MED13L: variants seen among roughly 807,000 people sequenced by gnomAD.
MED13L encodes mediator complex subunit 13L.
MED13L carries 7 observed loss-of-function variants against 220.9 expected under a neutral mutation model. The observed-to-expected ratio is 0.03, with a 90% CI of 0.02 to 0.06. MED13L has a LOEUF of 0.06. MED13L is among the 10% of genes least tolerant of loss of function. The pLI, the probability that MED13L is intolerant of heterozygous loss-of-function variation, is 1.00. For synonymous variants in MED13L, 1,011 were observed against 1,015.2 expected (o/e 1.00, Z 0.08); for missense variants, 1,965 against 2,760.5 (o/e 0.71, Z 6.46).
At chr12:116,044,700 A>G (rs932353081) in intron 4 of MED13L, among the ~76,000 whole-genome samples, 1 of 152,202 alleles carries the variant, frequency 6.6e-6, no homozygotes, top group Non-Finnish European at 1.5e-5. Context: ...CATCCTCACT[A>G]ATCCCCGGAA....
At position 115,968,054 on chromosome 12, in the gene MED13L, C is replaced by T. The variant is rs1171626674; in HGVS notation, c.6225+886G>A. Among the ~76,000 whole-genome samples, 21 of 15,284 alleles carry T rather than the reference C, an allele frequency of 1.4e-3. No homozygotes were observed. In the East Asian group the frequency reaches 0.048, roughly 35 times the overall value. The allele number at this position is 15,284 out of a possible 152,430, so 10.0% of individuals were successfully genotyped here. A position where few individuals can be genotyped will look rare whatever the true frequency, so the allele number is the denominator to read the frequency against. ...TAAATTCAGTGCTGGGAATAAAAGTCCCCCCCCCCCCCCGATGAAAACTGA... is the reference window on the plus strand; with the variant it reads ...TAAATTCAGTGCTGGGAATAAAAGTTCCCCCCCCCCCCCGATGAAAACTGA... On this transcript the variant is annotated intron_variant, in intron 28 of 30. Transcript: ENST00000281928.
intron 4 of MED13L, among the ~76,000 whole-genome samples, chr12:116,051,331 T>G (rs937027284): frequency 1.3e-5 from 2 of 151,944 alleles, no homozygotes; most frequent in African/African-American, 4.8e-5. Flanking sequence ...AGAAATGAAT[T>G]AATATTTAAC....
At chr12:116,092,742 A>G (rs576629056) in intron 4 of MED13L, among the ~76,000 whole-genome samples, 62 of 152,284 alleles carry the variant, frequency 4.1e-4, no homozygotes, top group Admixed American at 7.2e-4. Flanking sequence ...TTAAAGTAAT[A>G]TACTTTCAGT....
rs1204058870 is a variant in MED13L at position 115,983,451 on chromosome 12, T to G, written c.4621A>C (p.Thr1541Pro). 2 of 1,614,184 alleles carry G rather than the reference T, an allele frequency of 1.2e-6. No individual in the cohort carries two copies. The highest frequency in any genetic ancestry group is 1.7e-5 in the Admixed American group (1 of 60,026). ...TPPAAAQGQA[T>P]PGNAGPLAPN... ...GCTAAGGGCCCAGCATTCCCTGGCG[T>G]AGCTTGTCCCTGTGCTGCTGCTGGT... The change falls in exon 21 of 31, where the codon ACG (threonine) becomes CCG (proline). Residue 1541 changes from threonine (T) to proline (P), a missense_variant. Physicochemically the swap from Thr to Pro is conservative, Grantham distance 38. Transcript: ENST00000281928.
At chr12:116,100,868 G>A (rs1206604511) in intron 3 of MED13L, among the ~76,000 whole-genome samples, 1 of 152,056 alleles carries the variant, frequency 6.6e-6, no homozygotes, top group Non-Finnish European at 1.5e-5. Flanking sequence ...GAGCTGTGAT[G>A]GCACCCCTGC....
intron 4 of MED13L, among the ~76,000 whole-genome samples, chr12:116,049,180 C>A (rs528567004): frequency 1.2e-4 from 19 of 152,262 alleles, no homozygotes; most frequent in African/African-American, 4.3e-4. Context: ...AAAGACACAA[C>A]TGAAATCACC....
intron 9 of MED13L, among the ~76,000 whole-genome samples, chr12:116,012,056 A>C: frequency 6.6e-6 from 1 of 152,226 alleles, no homozygotes; most frequent in East Asian, 1.9e-4. Context: ...ATCAAATTTG[A>C]AAGTGTATAT....
intron 4 of MED13L, among the ~76,000 whole-genome samples, chr12:116,030,160 G>A (rs1880650498): frequency 6.6e-6 from 1 of 152,076 alleles, no homozygotes; most frequent in East Asian, 1.9e-4. Flanking sequence ...TAGAGACGGG[G>A]ATTCACCATT....
intron 2 of MED13L, among the ~76,000 whole-genome samples, chr12:116,188,452 C>T (rs1373714266): frequency 3.3e-5 from 5 of 152,174 alleles, no homozygotes; most frequent in East Asian, 1.9e-4. Context: ...CTAGGTAAAA[C>T]GGCAAATGAG....
chr12:116,131,182 C>G (rs1876036765), intron 2 of MED13L, among the ~76,000 whole-genome samples: 1 of 152,024 alleles, frequency 6.6e-6, no homozygotes, highest in Non-Finnish European at 1.5e-5. Flanking sequence ...GTCTAAAGTT[C>G]CACTAGTTCA....
At chr12:116,105,891 T>C (rs1873527200) in intron 3 of MED13L, among the ~76,000 whole-genome samples, 1 of 152,196 alleles carries the variant, frequency 6.6e-6, no homozygotes, top group Non-Finnish European at 1.5e-5. Flanking sequence ...TTAAGGTTGG[T>C]GCTGAATGTC....
chr12:115,979,639 G>A (rs991581106), intron 23 of MED13L, among the ~76,000 whole-genome samples: 1 of 152,170 alleles, frequency 6.6e-6, no homozygotes, highest in Non-Finnish European at 1.5e-5. Context: ...TTATAAAAGT[G>A]CAAGCATTTC....
intron 2 of MED13L, among the ~76,000 whole-genome samples, chr12:116,159,484 T>C (rs1226037127): frequency 6.6e-6 from 1 of 152,176 alleles, no homozygotes; most frequent in East Asian, 1.9e-4. Flanking sequence ...TAATTAGACT[T>C]AGAAAGGTGA....
chr12:116,062,177 G>A (rs558147137), intron 4 of MED13L, among the ~76,000 whole-genome samples: 7 of 151,768 alleles, frequency 4.6e-5, no homozygotes, highest in Admixed American at 2.0e-4. Context: ...TTTTGAGATG[G>A]GATTTTGCTC....
chr12:115,966,274 A>T, intron 28 of MED13L, 31 bp from the exon 29 acceptor site: 1 of 1,613,374 alleles, frequency 6.2e-7, no homozygotes, highest in Non-Finnish European at 8.5e-7. Context: ...AAACATGATC[A>T]GCATTTATCT....
At chr12:116,082,259 T>A (rs1871287912) in intron 4 of MED13L, among the ~76,000 whole-genome samples, 1 of 152,162 alleles carries the variant, frequency 6.6e-6, no homozygotes, top group African/African-American at 2.4e-5. Flanking sequence ...AAGTGACAAG[T>A]GCCTAAGAAG....
At chr12:116,076,951 C>T (rs1870854082) in intron 4 of MED13L, among the ~76,000 whole-genome samples, 1 of 152,140 alleles carries the variant, frequency 6.6e-6, no homozygotes, top group Non-Finnish European at 1.5e-5. Context: ...TTTAGGGCAA[C>T]CTCTTCATAT....
intron 1 of MED13L, among the ~76,000 whole-genome samples, chr12:116,245,382 A>C (rs1024941473): frequency 6.6e-6 from 1 of 152,188 alleles, no homozygotes; most frequent in African/African-American, 2.4e-5. Context: ...AGTTAAGCAA[A>C]TGTCGGTCAC....
intron 3 of MED13L, among the ~76,000 whole-genome samples, chr12:116,103,272 G>A (rs1477067475): frequency 6.6e-6 from 1 of 151,942 alleles, no homozygotes; most frequent in East Asian, 1.9e-4. Flanking sequence ...TTTATGTTTA[G>A]AGACAGAGTC....
Sources: allele counts gnomAD v4.1 joint callset (sites outside exome capture counted in the v4.1 genomes callset), GRCh38; gene constraint gnomAD v4.1.1; transcripts MANE v1.5; gene names NCBI Gene and HGNC (gene_info 2026-07-23, HGNC 2026-07-21).